Variants in FSIP1 observed in about 807,000 individuals in gnomAD.
FSIP1 encodes fibrous sheath-interacting protein 1.
In FSIP1, 65 loss-of-function variants were observed where a neutral mutation model predicts 60.9. The ratio of observed to expected loss-of-function variants is 1.07; its 90% confidence interval spans 0.87 to 1.31. The LOEUF (loss-of-function observed/expected upper bound fraction) is 1.31, where lower values mean the gene tolerates loss of function less well. Ranked by LOEUF, FSIP1 falls within the 40% of genes most tolerant of loss-of-function variation. The pLI is 0.00. For missense variants in FSIP1, 675 were observed against 665.5 expected, an observed-to-expected ratio of 1.01 and a Z score of -0.16; for synonymous variants, 209 against 221.2, an observed-to-expected ratio of 0.94 and a Z score of 0.49.
At chr15:39,739,824 T>TA (rs761611252) in intron 6 of FSIP1, 35 bp from the exon 7 acceptor site, 69 of 1,359,884 alleles carry the variant, frequency 5.1e-5, no homozygotes, top group Non-Finnish European at 6.6e-5. Context: ...TTTTCATAAT[T>TA]AAAAGTGTCA....
At chr15:39,681,936 G>A (rs953203325) in intron 10 of FSIP1, among the ~76,000 whole-genome samples, 1 of 152,196 alleles carries the variant, frequency 6.6e-6, no homozygotes, top group Non-Finnish European at 1.5e-5. Context: ...TGAGTCCACA[G>A]AATGAAGGTG....
At chr15:39,726,769 C>T (rs575834098) in intron 8 of FSIP1, 22 bp from the exon 9 acceptor site, 4 of 1,609,192 alleles carry the variant, frequency 2.5e-6, no homozygotes, top group East Asian at 2.2e-5. Flanking sequence ...CAAGGGTCAC[C>T]AGGTCATTCT....
At chr15:39,780,926 G>C (rs1898242428) in intron 1 of FSIP1, among the ~76,000 whole-genome samples, 1 of 152,070 alleles carries the variant, frequency 6.6e-6, no homozygotes, top group Non-Finnish European at 1.5e-5. Context: ...GTGACTGTGG[G>C]TTAGGCAAAA....
chr15:39,646,697 C>G (rs965682687), intron 10 of FSIP1, among the ~76,000 whole-genome samples: 15 of 142,018 alleles, frequency 1.1e-4, no homozygotes, highest in Non-Finnish European at 2.1e-4. Context: ...CTGTGACACA[C>G]TGTCTCTTAA....
chr15:39,723,373 C>T (rs1037444113), intron 9 of FSIP1, among the ~76,000 whole-genome samples: 1 of 152,060 alleles, frequency 6.6e-6, no homozygotes, highest in Non-Finnish European at 1.5e-5. Context: ...GGACTACAGG[C>T]GCCTGCCACC....
chr15:39,748,485 A>G (rs1273751097), intron 5 of FSIP1, among the ~76,000 whole-genome samples: 1 of 152,132 alleles, frequency 6.6e-6, no homozygotes, highest in African/African-American at 2.4e-5. Context: ...TCCTTATGCA[A>G]TTCCTGACCT....
intron 5 of FSIP1, among the ~76,000 whole-genome samples, chr15:39,749,901 T>C (rs764604826): frequency 6.6e-6 from 1 of 152,004 alleles, no homozygotes; most frequent in Non-Finnish European, 1.5e-5. Flanking sequence ...TGATTTTGTA[T>C]GTAGAAAACC....
intron 5 of FSIP1, chr15:39,747,290 T>C (rs1026342962): frequency 6.6e-6 from 1 of 152,210 alleles, no homozygotes; most frequent in African/African-American, 2.4e-5. Context: ...AATTTAGAAT[T>C]GTTTTACTTA....
At chr15:39,682,107 A>G (rs1379560874) in intron 10 of FSIP1, among the ~76,000 whole-genome samples, 8 of 152,220 alleles carry the variant, frequency 5.3e-5, no homozygotes, top group African/African-American at 1.4e-4. Context: ...AATGGTCTCA[A>G]TATAGTTCCT....
At chr15:39,660,200 AG>A (rs1470435054) in intron 10 of FSIP1, among the ~76,000 whole-genome samples, 2 of 152,220 alleles carry the variant, frequency 1.3e-5, no homozygotes. Context: ...GTGGATTAGC[AG>A]CCCCACCTTC....
intron 10 of FSIP1, among the ~76,000 whole-genome samples, chr15:39,694,810 TAAAATAA>T (rs1483965889): frequency 2.0e-5 from 3 of 150,520 alleles, no homozygotes; most frequent in Non-Finnish European, 4.4e-5. Flanking sequence ...AACAAACAAA[TAAAATAA>T]AAAATAAAAA....
chr15:39,711,907 G>A (rs56862147), intron 10 of FSIP1, among the ~76,000 whole-genome samples: 18,735 of 151,468 alleles, frequency 0.12, 1,375 homozygotes, highest in African/African-American at 0.19. Context: ...GGCTAGTCAC[G>A]AACTCCTGAG....
intron 10 of FSIP1, among the ~76,000 whole-genome samples, chr15:39,656,524 T>G (rs1253570690): frequency 2.6e-5 from 4 of 152,188 alleles, no homozygotes; most frequent in Non-Finnish European, 4.4e-5. Context: ...GGGTTCACAC[T>G]CTGACTCTGC....
At chr15:39,718,326 G>A (rs1895826447) in intron 9 of FSIP1, among the ~76,000 whole-genome samples, 1 of 151,676 alleles carries the variant, frequency 6.6e-6, no homozygotes, top group Non-Finnish European at 1.5e-5. Flanking sequence ...ATATATATGT[G>A]TGTATATATA....
intron 5 of FSIP1, among the ~76,000 whole-genome samples, chr15:39,763,091 A>G (rs2140701696): frequency 6.6e-6 from 1 of 152,332 alleles, no homozygotes; most frequent in South Asian, 2.1e-4. Flanking sequence ...TTGAGAATTT[A>G]GCTGATAGTA....
intron 10 of FSIP1, among the ~76,000 whole-genome samples, chr15:39,622,051 C>A (rs1235799546): frequency 6.6e-6 from 1 of 152,192 alleles, no homozygotes; most frequent in Non-Finnish European, 1.5e-5. Context: ...TAACTGCCCT[C>A]AATAGTTAAG....
chr15:39,762,223 A>AAGATATCTGAAATCAAG (rs1209614560), intron 5 of FSIP1, among the ~76,000 whole-genome samples: 1 of 152,212 alleles, frequency 6.6e-6, no homozygotes, highest in African/African-American at 2.4e-5. Context: ...ACAGTTCTAC[A>AAGATATCTGAAATCAAG]AGATATCTGA....
At chr15:39,678,460 A>C (rs997805590) in intron 10 of FSIP1, among the ~76,000 whole-genome samples, 4 of 152,202 alleles carry the variant, frequency 2.6e-5, no homozygotes, top group African/African-American at 9.6e-5. Flanking sequence ...AAAAATAGTC[A>C]TGCAAGTAAA....
intron 10 of FSIP1, among the ~76,000 whole-genome samples, chr15:39,675,223 G>C (rs765517230): frequency 1.9e-4 from 29 of 152,122 alleles, no homozygotes; most frequent in Non-Finnish European, 4.1e-4. Flanking sequence ...AATATTGCTG[G>C]TAGGAATGTA....
Sources: allele counts gnomAD v4.1 joint callset (sites outside exome capture counted in the v4.1 genomes callset), GRCh38; gene constraint gnomAD v4.1.1; transcripts MANE v1.5; gene names NCBI Gene and HGNC (gene_info 2026-07-23, HGNC 2026-07-21).